GLIS3: variants seen among roughly 807,000 people sequenced by gnomAD.
GLIS3 encodes the protein GLIS family zinc finger 3, also known as zinc finger protein GLIS3.
GLIS3 carries 53 observed loss-of-function variants against 78.6 expected under a neutral mutation model. That is an observed-to-expected ratio of 0.67 (90% CI 0.54 to 0.85). GLIS3 has a LOEUF of 0.85. Ranked by LOEUF, GLIS3 falls within the 40% of genes least tolerant of loss-of-function variation. The pLI, the probability that GLIS3 is intolerant of heterozygous loss-of-function variation, is 0.00. For missense variants in GLIS3, 1,703 were observed against 1,231.1 expected (o/e 1.38, Z -5.74); for synonymous variants, 684 against 509.9 (o/e 1.34, Z -4.60).
intron 2 of GLIS3, among the ~76,000 whole-genome samples, chr9:4,142,295 A>C (rs2130992452): frequency 6.6e-6 from 1 of 152,254 alleles, no homozygotes; most frequent in East Asian, 1.9e-4. Flanking sequence ...ATGTTAATCA[A>C]GTTGATAGCT....
intron 4 of GLIS3, among the ~76,000 whole-genome samples, chr9:4,032,280 T>C (rs1823904398): frequency 6.6e-6 from 1 of 152,194 alleles, no homozygotes; most frequent in South Asian, 2.1e-4. Context: ...ATACCCTTCA[T>C]TCCTTCCCAA....
intron 2 of GLIS3, among the ~76,000 whole-genome samples, chr9:4,320,399 A>T (rs527585228): frequency 6.6e-5 from 10 of 152,182 alleles, no homozygotes; most frequent in Non-Finnish European, 1.5e-4. Flanking sequence ...CCATGCCTCA[A>T]ACTGAACTCT....
chr9:4,063,778 C>G (rs915046816), intron 4 of GLIS3, among the ~76,000 whole-genome samples: 2 of 152,078 alleles, frequency 1.3e-5, no homozygotes, highest in African/African-American at 4.8e-5. Context: ...GTAGGTTGGT[C>G]AGACACAAAA....
intron 4 of GLIS3, among the ~76,000 whole-genome samples, chr9:3,956,619 G>C (rs1817127979): frequency 6.6e-6 from 1 of 152,068 alleles, no homozygotes; most frequent in African/African-American, 2.4e-5. Flanking sequence ...GACGTTGCAT[G>C]GAGGGTTTTT....
At position 4,299,816 on chromosome 9, in the gene GLIS3, A is replaced by G. The variant is rs1211836362; in HGVS notation, c.-494T>C. On this transcript the variant is annotated 5_prime_UTR_variant, in exon 1 of 11. Coordinates refer to ENST00000381971, the MANE Select transcript of GLIS3 (RefSeq NM_001042413.2). ...GTTCATCCTCGTCCTGGGCCGGGGA[A>G]TGCTTCTGGGGGCCGACCCCGGGAT... 6.6e-6 allele frequency: 1 copy of G among 152,532 alleles called. No individual in the cohort carries two copies. Among genetic ancestry groups the G allele is most frequent in the African/African-American group, 2.4e-5 (1 of 41,432 alleles). 9.4% of individuals were successfully genotyped at this position (152,532 alleles called of 1,614,324 possible).
At chr9:4,105,783 C>A (rs1413484726) in intron 4 of GLIS3, among the ~76,000 whole-genome samples, 1 of 152,118 alleles carries the variant, frequency 6.6e-6, no homozygotes, top group Non-Finnish European at 1.5e-5. Context: ...CTGATTCCAC[C>A]ATAAAGCCTC....
At chr9:4,048,683 G>C (rs1354040774) in intron 4 of GLIS3, among the ~76,000 whole-genome samples, 1 of 152,114 alleles carries the variant, frequency 6.6e-6, no homozygotes, top group African/African-American at 2.4e-5. Context: ...TTCCAGCACT[G>C]AAGTCCTCTC....
At chr9:4,272,751 A>T (rs1826630752) in intron 2 of GLIS3, among the ~76,000 whole-genome samples, 3 of 152,200 alleles carry the variant, frequency 2.0e-5, no homozygotes, top group African/African-American at 7.2e-5. Flanking sequence ...TAATCCTTTC[A>T]AGTAGGTTGA....
At position 4,125,808 on chromosome 9, in the gene GLIS3, T is replaced by C. The variant is rs190749866; in HGVS notation, c.522A>G (p.Ala174=). 6.2e-7 allele frequency: 1 copy of C among 1,614,154 alleles called. No homozygotes were observed. Among genetic ancestry groups the C allele is most frequent in the Admixed American group, 1.7e-5 (1 of 60,012 alleles). ...GTAAGCTAGGACTGATCTGGTTGCA[T>C]GCTGTAGAGACCTGGCTTGCTGGAG... is the stretch of plus-strand genomic sequence containing the variant. ...ISPPASQVST[A]CNQISPSLQR... Residue 174 remains alanine (A), a synonymous_variant, in exon 3 of 11, where the codon GCA becomes GCG. Coordinates refer to ENST00000381971, the MANE Select transcript of GLIS3 (RefSeq NM_001042413.2).
intron 2 of GLIS3, among the ~76,000 whole-genome samples, chr9:4,253,172 C>A (rs558859791): frequency 1.3e-4 from 20 of 152,204 alleles, no homozygotes; most frequent in Admixed American, 1.0e-3. Flanking sequence ...TCTTCAGAGC[C>A]GGCAGGCAGG....
At chr9:4,197,660 G>C (rs1818992233) in intron 2 of GLIS3, among the ~76,000 whole-genome samples, 1 of 152,130 alleles carries the variant, frequency 6.6e-6, no homozygotes, top group Non-Finnish European at 1.5e-5. Context: ...CACTTCACCG[G>C]GGCTGAGGAG....
At chr9:4,332,592 C>T (rs559427113) in intron 2 of GLIS3, among the ~76,000 whole-genome samples, 1 of 152,318 alleles carries the variant, frequency 6.6e-6, no homozygotes. Flanking sequence ...GCAGACCAGC[C>T]CACCTGGGGC....
intron 2 of GLIS3, among the ~76,000 whole-genome samples, chr9:4,242,602 A>C (rs1823421948): frequency 6.6e-6 from 1 of 152,106 alleles, no homozygotes; most frequent in Admixed American, 6.6e-5. Flanking sequence ...CTAAGATTTA[A>C]AAGGTAACAT....
At chr9:3,829,664 A>C (rs1358185068) in intron 9 of GLIS3, among the ~76,000 whole-genome samples, 172 bp from the exon 10 acceptor site, 1 of 152,190 alleles carries the variant, frequency 6.6e-6, no homozygotes, top group East Asian at 1.9e-4. Flanking sequence ...TGTTGGGCTG[A>C]AGCTCTTCTA....
rs192530246 is a variant in GLIS3 at position 3,897,380 on chromosome 9, T to C, written c.2128+1311A>G. 5.3e-5 allele frequency among the ~76,000 whole-genome samples: 8 copies of C among 152,340 alleles called. No homozygotes were observed. The East Asian group carries it at 1.3e-3, about 26-fold the overall frequency. ...TAATGTGCTGAAATAAATGTTCATA[T>C]ATCAAATACTGAACAAATCAGACAC... On this transcript the variant is annotated intron_variant, in intron 7 of 10. Transcript: ENST00000381971.
At chr9:4,026,159 T>C (rs1203565905) in intron 4 of GLIS3, among the ~76,000 whole-genome samples, 3 of 152,220 alleles carry the variant, frequency 2.0e-5, no homozygotes, top group Non-Finnish European at 4.4e-5. Flanking sequence ...AATGCACAGG[T>C]ATTCAATCAA....
At chr9:4,229,019 A>G (rs1383811189) in intron 2 of GLIS3, among the ~76,000 whole-genome samples, 1 of 151,902 alleles carries the variant, frequency 6.6e-6, no homozygotes, top group Non-Finnish European at 1.5e-5. Context: ...GTAAAAAATC[A>G]TGAGGCAGTT....
At chr9:3,954,583 A>C (rs1286768081) in intron 4 of GLIS3, among the ~76,000 whole-genome samples, 1 of 152,246 alleles carries the variant, frequency 6.6e-6, no homozygotes, top group Non-Finnish European at 1.5e-5. Context: ...TTCACCAAGT[A>C]ATCCATATGC....
At chr9:4,192,242 C>T (rs1382726388) in intron 2 of GLIS3, among the ~76,000 whole-genome samples, 1 of 152,168 alleles carries the variant, frequency 6.6e-6, no homozygotes. Context: ...TCATTTATAA[C>T]ATTACACAGT....
Sources: gnomAD v4.1 joint callset for allele counts (sites outside exome capture counted in the v4.1 genomes callset) on GRCh38, gnomAD v4.1.1 for gene constraint, MANE v1.5 for transcripts, NCBI Gene and HGNC (gene_info 2026-07-23, HGNC 2026-07-21) for gene names.